The following XPO6 variants were observed in gnomAD, a reference collection of about 807,000 sequenced individuals.
XPO6 encodes exportin 6.
A neutral mutation model predicts 130.0 loss-of-function variants in XPO6; 3 were observed. The observed-to-expected ratio is 0.02, with a 90% confidence interval of 0.01 to 0.06. The LOEUF (loss-of-function observed/expected upper bound fraction) is 0.06. XPO6 is among the 10% of genes least tolerant of loss of function. The pLI is 1.00. For synonymous variants in XPO6, 524 were observed against 548.9 expected, an observed-to-expected ratio of 0.95 and a Z score of 0.63; for missense variants, 970 against 1,393.0, an observed-to-expected ratio of 0.70 and a Z score of 4.83.
At chr16:28,166,728 G>A (rs1046541000) in intron 5 of XPO6, 143 bp from the exon 6 acceptor site, 21 of 1,473,894 alleles carry the variant, frequency 1.4e-5, no homozygotes, top group Middle Eastern at 5.0e-4. Context: ...TCCAGCTAGC[G>A]GCTGTGCCTC....
intron 14 of XPO6, among the ~76,000 whole-genome samples, chr16:28,119,984 G>A (rs991470045): frequency 3.0e-4 from 46 of 152,084 alleles, no homozygotes; most frequent in African/African-American, 1.1e-3. Flanking sequence ...TGGGACTACA[G>A]GTGCAAGTGC....
At chr16:28,177,793 G>A (rs1260158114) in intron 2 of XPO6, among the ~76,000 whole-genome samples, 1 of 152,094 alleles carries the variant, frequency 6.6e-6, no homozygotes, top group African/African-American at 2.4e-5. Context: ...AAAAAGAAAA[G>A]ATTAAGACTA....
At chr16:28,118,748 C>CA (rs2087141755) in intron 14 of XPO6, among the ~76,000 whole-genome samples, 1 of 152,160 alleles carries the variant, frequency 6.6e-6, no homozygotes, top group South Asian at 2.1e-4. Context: ...ACTGAACTGT[C>CA]AAGTTTGACC....
intron 17 of XPO6, among the ~76,000 whole-genome samples, chr16:28,110,570 C>T (rs922804952): frequency 3.3e-5 from 5 of 152,330 alleles, no homozygotes; most frequent in African/African-American, 1.2e-4. Flanking sequence ...AGCATATCCT[C>T]GCCCATGCAG....
At position 28,166,327 on chromosome 16, in the gene XPO6, G is replaced by A. The variant is rs182382677; in HGVS notation, c.643+181C>T. On this transcript the variant is annotated intron_variant, in intron 6 of 23. Transcript: ENST00000304658. ...AACAACCTAGGACTATTTTTTTAAT[G>A]TAATTTTTAAAAACAGAGATAGAGT... Among the ~76,000 whole-genome samples, 17 of 152,194 alleles carry A rather than the reference G, an allele frequency of 1.1e-4. No individual in the cohort carries two copies. In the East Asian group the frequency reaches 2.9e-3, roughly 26 times the overall value.
chr16:28,193,582 CA>C (rs1382319514), intron 1 of XPO6, among the ~76,000 whole-genome samples: 2 of 152,110 alleles, frequency 1.3e-5, no homozygotes, highest in Admixed American at 1.3e-4. Flanking sequence ...ATTAGAAAGG[CA>C]AAACAGTGGT....
chr16:28,195,911 T>C (rs781651714), intron 1 of XPO6, among the ~76,000 whole-genome samples: 11 of 152,196 alleles, frequency 7.2e-5, no homozygotes, highest in Non-Finnish European at 1.3e-4. Flanking sequence ...CAAACATTCA[T>C]TCTTTAGGCT....
chr16:28,182,154 T>C (rs1176801924), intron 1 of XPO6, among the ~76,000 whole-genome samples: 1 of 152,200 alleles, frequency 6.6e-6, no homozygotes, highest in Non-Finnish European at 1.5e-5. Flanking sequence ...CCCTTCCCCA[T>C]ATCCTCTCCA....
chr16:28,150,846 C>T (rs972265608), intron 8 of XPO6, among the ~76,000 whole-genome samples: 3 of 152,078 alleles, frequency 2.0e-5, no homozygotes, highest in Non-Finnish European at 4.4e-5. Flanking sequence ...AAAACTGTTC[C>T]ACCTCTGATG....
intron 6 of XPO6, among the ~76,000 whole-genome samples, chr16:28,160,160 G>A (rs1385852843): frequency 7.4e-6 from 1 of 135,424 alleles, no homozygotes; most frequent in African/African-American, 2.8e-5. Flanking sequence ...ACTCCAGCCT[G>A]GGCAACAGAG....
intron 1 of XPO6, among the ~76,000 whole-genome samples, chr16:28,189,610 G>GAAAC (rs2043753612): frequency 4.5e-4 from 1 of 2,204 alleles, no homozygotes. Context: ...GTCTTCTACT[G>GAAAC]AAGCAAACAG....
chr16:28,149,051 A>C (rs2043035966), intron 8 of XPO6, among the ~76,000 whole-genome samples: 1 of 142,902 alleles, frequency 7.0e-6, no homozygotes, highest in Non-Finnish European at 1.5e-5. Flanking sequence ...TCCAAAAAAA[A>C]AGAAAATAAA....
At chr16:28,186,393 C>CTTTTTTTTTTTTTTTTTTTTTTT (rs1596952535) in intron 1 of XPO6, among the ~76,000 whole-genome samples, 4 of 4,230 alleles carry the variant, frequency 9.5e-4, no homozygotes, top group African/African-American at 1.2e-3. Flanking sequence ...TTTTTTTTTG[C>CTTTTTTTTTTTTTTTTTTTTTTT]TAAAGACATG....
intron 1 of XPO6, among the ~76,000 whole-genome samples, chr16:28,192,948 G>A (rs979946607): frequency 6.6e-6 from 1 of 152,106 alleles, no homozygotes; most frequent in Non-Finnish European, 1.5e-5. Flanking sequence ...GCCAGTCCTG[G>A]CTCTACTGAG....
chr16:28,160,050 T>G (rs975192963), intron 6 of XPO6, among the ~76,000 whole-genome samples: 1 of 150,060 alleles, frequency 6.7e-6, no homozygotes, highest in Non-Finnish European at 1.5e-5. Context: ...CTGGGCGTGG[T>G]GGTGCGTGCC....
intron 1 of XPO6, among the ~76,000 whole-genome samples, chr16:28,192,084 A>AC (rs1180987365): frequency 6.6e-6 from 1 of 151,918 alleles, no homozygotes; most frequent in Admixed American, 6.6e-5. Flanking sequence ...ACATGGTGAA[A>AC]CCCCATCTCT....
intron 14 of XPO6, among the ~76,000 whole-genome samples, chr16:28,121,167 T>C (rs2087226671): frequency 6.6e-6 from 1 of 152,222 alleles, no homozygotes; most frequent in Non-Finnish European, 1.5e-5. Context: ...TAACCTGGGG[T>C]TCTTGTTTAA....
At chr16:28,111,096 T>G (rs1395541699) in intron 17 of XPO6, 1 of 152,266 alleles carries the variant, frequency 6.6e-6, no homozygotes, top group Admixed American at 6.5e-5. Context: ...GCACATATGT[T>G]AATCTTCCTA....
intron 1 of XPO6, among the ~76,000 whole-genome samples, chr16:28,188,579 T>C (rs2043732759): frequency 7.1e-6 from 1 of 140,458 alleles, no homozygotes; most frequent in Admixed American, 7.7e-5. Context: ...ATATTCAAAC[T>C]CATGTAAACT....
Sources: gnomAD v4.1 joint callset for allele counts (sites outside exome capture counted in the v4.1 genomes callset) on GRCh38, gnomAD v4.1.1 for gene constraint, MANE v1.5 for transcripts, NCBI Gene and HGNC (gene_info 2026-07-23, HGNC 2026-07-21) for gene names.